CFHR5: variants seen among roughly 807,000 people sequenced by gnomAD.
The protein encoded by CFHR5 is complement factor H related 5.
Under a neutral mutation model 62.9 loss-of-function variants are expected in CFHR5, and 73 were observed. The observed-to-expected ratio is 1.16, with a 90% confidence interval of 0.96 to 1.41. CFHR5 has a LOEUF of 1.41. Among genes scored for constraint, CFHR5 ranks in the 40% most tolerant of loss-of-function variants. The probability of loss-of-function intolerance (pLI) is 0.00; values close to 1 mark genes in which losing one functional copy is unlikely to be tolerated. For missense variants in CFHR5, 779 were observed against 679.9 expected (o/e 1.15, Z -1.62); for synonymous variants, 249 against 227.2 (o/e 1.10, Z -0.86).
chr1:196,984,104 G>A lies in CFHR5; in HGVS notation c.397G>A (p.Gly133Ser), dbSNP rs746505923. The change falls in exon 3 of 10, where the codon GGC (glycine) becomes AGC (serine). Residue 133 changes from glycine to serine, a missense_variant. Gly to Ser is a moderately conservative substitution (Grantham distance 56). Coordinates refer to ENST00000256785, the MANE Select transcript of CFHR5 (RefSeq NM_030787.4). ...GAAAAACATTTCGTGTGTAGAACGG[G>A]GCTGGTCCACTCCTCCCATATGCAG... ...NEKNISCVERGWSTPPICSFT... is the reference protein window; with the variant it reads ...NEKNISCVERSWSTPPICSFT... The A allele has an allele frequency of 4.3e-6, 7 of 1,613,570 alleles. No homozygotes were observed. Among genetic ancestry groups the A allele is most frequent in the African/African-American group, 1.3e-5 (1 of 74,948 alleles).
intron 3 of CFHR5, among the ~76,000 whole-genome samples, chr1:196,985,559 G>A (rs1571514159): frequency 1.3e-5 from 2 of 151,668 alleles, no homozygotes; most frequent in African/African-American, 2.4e-5. Context: ...GGTTCAAAAT[G>A]TATAGGCTTC....
Position 197,008,669 on chromosome 1 carries a change from C to A in CFHR5, c.1696C>A (p.Pro566Thr), listed in dbSNP as rs748430882. The A allele has an allele frequency of 1.2e-6, 2 of 1,612,228 alleles. No individual in the cohort carries two copies. Among genetic ancestry groups the A allele is most frequent in the Non-Finnish European group, 1.7e-6 (2 of 1,178,426 alleles). The change falls in exon 10 of 10, where the codon CCT becomes ACT. Residue 566 changes from proline to threonine, a missense_variant. Coordinates refer to ENST00000256785, the MANE Select transcript of CFHR5 (RefSeq NM_030787.4). ...AICQEGKFEY[P>T]ICE ...CTGTCAGGAAGGGAAATTTGAATAT[C>A]CTATATGTGAATGAAGCAAGCATAA...
At chr1:196,995,689 A>G (rs1462392662) in intron 4 of CFHR5, 28 bp from the exon 5 acceptor site, 4 of 1,582,086 alleles carry the variant, frequency 2.5e-6, no homozygotes, top group Non-Finnish European at 3.5e-6. Context: ...AGACCATTTA[A>G]GCATTATTTA....
At chr1:196,991,347 C>A (rs1653843838) in intron 3 of CFHR5, among the ~76,000 whole-genome samples, 1 of 152,148 alleles carries the variant, frequency 6.6e-6, no homozygotes, top group African/African-American at 2.4e-5. Context: ...TATTACCAAT[C>A]TTCTGAAGCC....
intron 7 of CFHR5, among the ~76,000 whole-genome samples, chr1:197,000,861 G>A (rs186866304): frequency 1.3e-5 from 2 of 151,988 alleles, no homozygotes; most frequent in Admixed American, 1.3e-4. Context: ...AAACAAAGAG[G>A]TAATAAGACA....
At chr1:196,984,800 A>G (rs768560054) in intron 3 of CFHR5, among the ~76,000 whole-genome samples, 34 of 152,126 alleles carry the variant, frequency 2.2e-4, no homozygotes, top group Non-Finnish European at 4.4e-4. Context: ...CTTTCTCTTC[A>G]TACCACTTTC....
chr1:196,984,035 G>A lies in CFHR5; in HGVS notation c.328G>A (p.Val110Ile). 1 of 1,612,704 alleles carries A rather than the reference G, an allele frequency of 6.2e-7. No homozygotes were observed. Among genetic ancestry groups the A allele is most frequent in the Non-Finnish European group, 8.5e-7 (1 of 1,178,942 alleles). Residue 110 changes from valine to isoleucine, a missense_variant, in exon 3 of 10, where the codon GTA becomes ATA. Physicochemically the swap from Val to Ile is conservative, Grantham distance 29. Transcript: ENST00000256785. The stretch of plus-strand genomic sequence containing the variant: ...ACTAATACATCTGGAAGGTGATACT[G>A]TACAAATTATTTGCAACACAGGATA... ...SGLIHLEGDTVQIICNTGYSL... is the reference protein window; with the variant it reads ...SGLIHLEGDTIQIICNTGYSL...
Position 196,995,858 on chromosome 1 carries a change from A to G in CFHR5, c.749A>G (p.Gln250Arg). 1.9e-6 allele frequency: 3 copies of G among 1,613,426 alleles called. No individual in the cohort carries two copies. Among genetic ancestry groups the G allele is most frequent in the Non-Finnish European group, 1.7e-6 (2 of 1,179,486 alleles). The change falls in exon 5 of 10, where the codon CAA becomes CGA. Residue 250 changes from glutamine (Q) to arginine (R), a missense_variant. Physicochemically the swap from Gln to Arg is conservative, Grantham distance 43. Transcript: ENST00000256785. The stretch of plus-strand genomic sequence containing the variant: ...ATAATAAACGGGCCTAAGAAAATAC[A>G]ATGTGTGGATGGAGAATGGACAACT... ...NFIINGPKKI[Q>R]CVDGEWTTLP...
chr1:196,983,884 C>T (rs973112968), intron 2 of CFHR5, 77 bp from the exon 3 acceptor site: 8 of 1,034,450 alleles, frequency 7.7e-6, no homozygotes, highest in Non-Finnish European at 1.2e-5. Context: ...CAAAGTTTTC[C>T]TTTCTTAATG....
At chr1:196,990,509 C>A (rs953154153) in intron 3 of CFHR5, among the ~76,000 whole-genome samples, 1 of 152,024 alleles carries the variant, frequency 6.6e-6, no homozygotes, top group African/African-American at 2.4e-5. Context: ...GGGCTGGTAC[C>A]GGTTGTTCTT....
At chr1:196,996,377 A>C (rs574111435) in intron 6 of CFHR5, among the ~76,000 whole-genome samples, 176 bp downstream of exon 6, 1 of 152,252 alleles carries the variant, frequency 6.6e-6, no homozygotes, top group East Asian at 1.9e-4. Context: ...ATATGGTTTT[A>C]TGAATTTCTT....
At chr1:196,988,419 G>T (rs560803480) in intron 3 of CFHR5, among the ~76,000 whole-genome samples, 1 of 152,250 alleles carries the variant, frequency 6.6e-6, no homozygotes, top group Admixed American at 6.5e-5. Flanking sequence ...GAATAGGAGT[G>T]GTAAGAGAGG....
chr1:196,994,427 G>A (rs565186576), intron 4 of CFHR5, among the ~76,000 whole-genome samples, 171 bp downstream of exon 4: 10 of 152,264 alleles, frequency 6.6e-5, no homozygotes, highest in Admixed American at 5.2e-4. Context: ...TTAGGTGTCC[G>A]TAATCAAGGA....
intron 3 of CFHR5, among the ~76,000 whole-genome samples, chr1:196,990,314 C>G (rs1653811511): frequency 6.6e-6 from 1 of 152,020 alleles, no homozygotes; most frequent in Admixed American, 6.6e-5. Context: ...TGGGTCTTGA[C>G]TCTTTATACA....
chr1:196,978,459 G>A lies in CFHR5; in HGVS notation c.58+737G>A, dbSNP rs146590955. Among the ~76,000 whole-genome samples the A allele has an allele frequency of 7.2e-3, 1,096 of 152,180 alleles. 14 individuals carry two copies. The highest frequency in any genetic ancestry group is 0.025 in the African/African-American group (1,040 of 41,548). ...GATACTGATTAAACTATGTGTGTAC[G>A]TGAAGTTTCAATCATTGTGCTATAT... is the stretch of plus-strand genomic sequence containing the variant. On this transcript the variant is annotated intron_variant, in intron 1 of 9. Transcript: ENST00000256785.
At chr1:196,987,010 C>T (rs7550970) in intron 3 of CFHR5, among the ~76,000 whole-genome samples, 2,045 of 152,232 alleles carry the variant, frequency 0.013, 38 homozygotes, top group African/African-American at 0.045. Flanking sequence ...TCCTATTTCT[C>T]CACATCCTCT....
intron 1 of CFHR5, among the ~76,000 whole-genome samples, chr1:196,978,302 A>T (rs1653448545): frequency 6.6e-6 from 1 of 152,128 alleles, no homozygotes; most frequent in Non-Finnish European, 1.5e-5. Flanking sequence ...CAAAAGTGAA[A>T]TAATATATCA....
intron 6 of CFHR5, among the ~76,000 whole-genome samples, chr1:196,997,527 C>T (rs928573691): frequency 6.6e-6 from 1 of 152,038 alleles, no homozygotes; most frequent in Non-Finnish European, 1.5e-5. Context: ...AAAAATGTAA[C>T]AATGAGAACT....
chr1:196,998,108 T>C lies in CFHR5; in HGVS notation c.971-20T>C, dbSNP rs547435808. On this transcript the variant is annotated intron_variant, in intron 6 of 9. Transcript: ENST00000256785. The stretch of plus-strand genomic sequence containing the variant: ...TATTGACATAATTGTTTAGTTTCTA[T>C]TTAATATTATTTTTTATAGCAACAC... 1.5e-5 allele frequency: 21 copies of C among 1,413,898 alleles called. No individual in the cohort carries two copies. The African/African-American group carries it at 2.9e-4, about 19-fold the overall frequency. 87.6% of individuals were successfully genotyped at this position (1,413,898 alleles called of 1,614,324 possible). A position where few individuals can be genotyped will look rare whatever the true frequency, so the allele number is the denominator to read the frequency against.
Sources: gnomAD v4.1 joint callset for allele counts (sites outside exome capture counted in the v4.1 genomes callset) on GRCh38, gnomAD v4.1.1 for gene constraint, MANE v1.5 for transcripts, NCBI Gene and HGNC (gene_info 2026-07-23, HGNC 2026-07-21) for gene names.